SH3BGRL2: variants seen among roughly 807,000 people sequenced by gnomAD.
The protein encoded by SH3BGRL2 is SH3 domain-binding glutamic acid-rich-like protein 2.
SH3BGRL2 carries 21 observed loss-of-function variants against 14.8 expected under a neutral mutation model. That is an observed-to-expected ratio of 1.42 (90% CI 1.01 to 2.05). The LOEUF (loss-of-function observed/expected upper bound fraction) is 2.05. Among genes scored for constraint, SH3BGRL2 ranks in the 30% most tolerant of loss-of-function variants. The pLI, the probability that SH3BGRL2 is intolerant of heterozygous loss-of-function variation, is 0.00. For synonymous variants in SH3BGRL2, 50 were observed against 47.8 expected, an observed-to-expected ratio of 1.05 and a Z score of -0.19; for missense variants, 147 against 130.8, an observed-to-expected ratio of 1.12 and a Z score of -0.61.
At chr6:79,603,094 C>T in the SH3BGRL2 span, among the ~76,000 whole-genome samples, 7 of 152,180 alleles carry the variant, frequency 4.6e-5, no homozygotes, top group African/African-American at 1.7e-4. Context: ...ATTGTACCAT[C>T]TGTGTTCTTG....
upstream of SH3BGRL2, chr6:79,631,300 T>G: frequency 3.7e-6 from 2 of 545,124 alleles, no homozygotes; most frequent in Non-Finnish European, 2.9e-6. Flanking sequence ...GCGCTGGGCT[T>G]TTATCTGCGG....
intron 2 of SH3BGRL2, among the ~76,000 whole-genome samples, chr6:79,675,793 A>C (rs535802074): frequency 6.6e-6 from 1 of 151,776 alleles, no homozygotes; most frequent in East Asian, 1.9e-4. Flanking sequence ...TAAAGATATT[A>C]AATATGATTT....
the SH3BGRL2 span, among the ~76,000 whole-genome samples, chr6:79,557,340 T>C: frequency 1.3e-5 from 2 of 152,014 alleles, no homozygotes; most frequent in Non-Finnish European, 2.9e-5. Flanking sequence ...TTTATTAATA[T>C]TAATACCTAT....
chr6:79,556,299 T>A, the SH3BGRL2 span, among the ~76,000 whole-genome samples: 1 of 152,032 alleles, frequency 6.6e-6, no homozygotes, highest in Non-Finnish European at 1.5e-5. Context: ...AAAATATTAG[T>A]CTAAAACGAT....
chr6:79,623,599 T>A, the SH3BGRL2 span, among the ~76,000 whole-genome samples: 186 of 152,322 alleles, frequency 1.2e-3, 2 homozygotes, highest in Non-Finnish European at 1.3e-4. Flanking sequence ...ATGTATTAGA[T>A]GGAGATGGAC....
rs1038320142 is a variant in SH3BGRL2 at position 79,657,591 on chromosome 6, G to A, written c.46-16023G>A. Among the ~76,000 whole-genome samples the A allele has an allele frequency of 2.6e-5, 4 of 152,102 alleles. No homozygotes were observed. In the East Asian group the frequency reaches 7.7e-4, roughly 29 times the overall value. On this transcript the variant is annotated intron_variant, in intron 1 of 3. Transcript: ENST00000369838. ...AAATAAAGTTATTAAATTTGAGGTA[G>A]CAGGTTTTATAGACTTGTTAATTTT...
In SH3BGRL2 at chr6:79,646,054, G is replaced by A. The variant is rs1769137198; in HGVS notation, c.45+14548G>A. 4.6e-5 allele frequency among the ~76,000 whole-genome samples: 7 copies of A among 152,332 alleles called. No homozygotes were observed. In the South Asian group the frequency reaches 1.2e-3, roughly 27 times the overall value. ...GGACAACTCTTTGTTGTTGGGGCTT[G>A]TCTTATATATCGTAGATATAAAGCA... On this transcript the variant is annotated intron_variant, in intron 1 of 3. Coordinates refer to ENST00000369838, the MANE Select transcript of SH3BGRL2 (RefSeq NM_031469.4).
chr6:79,543,847 G>A, the SH3BGRL2 span, among the ~76,000 whole-genome samples: 153 of 152,098 alleles, frequency 1.0e-3, no homozygotes, highest in African/African-American at 3.6e-3. Context: ...AATTATTCAA[G>A]TTGTCTTCTT....
intron 1 of SH3BGRL2, among the ~76,000 whole-genome samples, chr6:79,636,894 TG>T (rs1294840177): frequency 6.6e-6 from 1 of 152,194 alleles, no homozygotes; most frequent in Non-Finnish European, 1.5e-5. Flanking sequence ...CATCTTACCT[TG>T]ATTATCTGCA....
chr6:79,614,385 G>A, the SH3BGRL2 span, among the ~76,000 whole-genome samples: 3 of 152,140 alleles, frequency 2.0e-5, no homozygotes, highest in African/African-American at 4.8e-5. Flanking sequence ...ACGAGAAGGA[G>A]AGCAAGCCTC....
At chr6:79,639,538 C>T (rs1033535) in intron 1 of SH3BGRL2, among the ~76,000 whole-genome samples, 11,324 of 152,116 alleles carry the variant, frequency 0.074, 535 homozygotes, top group Non-Finnish European at 0.11. Flanking sequence ...TGCAGTGAGC[C>T]GAGATTGCAC....
the SH3BGRL2 span, among the ~76,000 whole-genome samples, chr6:79,577,970 C>T: frequency 0.11 from 16,154 of 152,308 alleles, 975 homozygotes; most frequent in Non-Finnish European, 0.13. Context: ...GTGATTCTCT[C>T]CTGTGCCTGG....
the SH3BGRL2 span, among the ~76,000 whole-genome samples, chr6:79,554,009 G>A: frequency 6.6e-6 from 1 of 151,656 alleles, no homozygotes; most frequent in African/African-American, 2.4e-5. Context: ...AAATTATATG[G>A]TCTGACCCCA....
At chr6:79,572,766 A>G in the SH3BGRL2 span, among the ~76,000 whole-genome samples, 1 of 152,076 alleles carries the variant, frequency 6.6e-6, no homozygotes, top group African/African-American at 2.4e-5. Context: ...CGCCTGGCCT[A>G]TTTTTATTTA....
intron 1 of SH3BGRL2, among the ~76,000 whole-genome samples, chr6:79,652,195 C>T (rs1357878317): frequency 6.6e-6 from 1 of 152,036 alleles, no homozygotes; most frequent in Non-Finnish European, 1.5e-5. Context: ...TGGAGAAGAA[C>T]CTTTAAAGTG....
the SH3BGRL2 span, among the ~76,000 whole-genome samples, chr6:79,608,658 T>G: frequency 2.0e-5 from 3 of 152,210 alleles, no homozygotes; most frequent in East Asian, 5.8e-4. Flanking sequence ...CAGCAGTTAT[T>G]ATTCAGAGGC....
At chr6:79,595,319 G>A in the SH3BGRL2 span, among the ~76,000 whole-genome samples, 1,688 of 152,162 alleles carry the variant, frequency 0.011, 33 homozygotes, top group African/African-American at 0.037. Flanking sequence ...GCTGTTCATC[G>A]GGAGATGTCA....
chr6:79,661,244 T>C (rs770519312), intron 1 of SH3BGRL2, among the ~76,000 whole-genome samples: 3 of 152,226 alleles, frequency 2.0e-5, no homozygotes, highest in Non-Finnish European at 4.4e-5. Context: ...TTTAGATCTT[T>C]CCTGCTTTCT....
chr6:79,670,130 C>G (rs1392440879), intron 1 of SH3BGRL2, among the ~76,000 whole-genome samples: 1 of 152,212 alleles, frequency 6.6e-6, no homozygotes. Flanking sequence ...TTTATGGACA[C>G]TGGTGTTTAT....
Sources: gnomAD v4.1 joint callset for allele counts (sites outside exome capture counted in the v4.1 genomes callset) on GRCh38, gnomAD v4.1.1 for gene constraint, MANE v1.5 for transcripts, NCBI Gene and HGNC (gene_info 2026-07-23, HGNC 2026-07-21) for gene names.